NBEA: variants seen among roughly 807,000 people sequenced by gnomAD.
NBEA encodes neurobeachin.
Under a neutral mutation model 343.4 loss-of-function variants are expected in NBEA, and 44 were observed. The observed-to-expected ratio is 0.13, with a 90% confidence interval of 0.10 to 0.16. The LOEUF is 0.16. Among genes scored for constraint, NBEA ranks in the 10% least tolerant of loss-of-function variants. The pLI, the probability that NBEA is intolerant of heterozygous loss-of-function variation, is 1.00. For missense variants in NBEA, 2,555 were observed against 3,631.3 expected (o/e 0.70, Z 7.62); for synonymous variants, 1,175 against 1,238.7 (o/e 0.95, Z 1.08).
chr13:35,580,778 A>G (rs563473131), intron 45 of NBEA, among the ~76,000 whole-genome samples: 2 of 152,346 alleles, frequency 1.3e-5, no homozygotes, highest in Admixed American at 1.3e-4. Flanking sequence ...AATTAGAAAT[A>G]CATTTTAAGA....
At chr13:35,613,450 T>C (rs1338785423) in intron 48 of NBEA, among the ~76,000 whole-genome samples, 2 of 152,138 alleles carry the variant, frequency 1.3e-5, no homozygotes, top group African/African-American at 4.8e-5. Context: ...CATTCATTCG[T>C]TGGTAGACAC....
chr13:35,409,622 A>G (rs894685675), intron 38 of NBEA, among the ~76,000 whole-genome samples: 1 of 152,188 alleles, frequency 6.6e-6, no homozygotes, highest in Non-Finnish European at 1.5e-5. Context: ...ATAATAAGTT[A>G]TCATACTTTA....
intron 33 of NBEA, among the ~76,000 whole-genome samples, chr13:35,231,020 T>C (rs1410442551): frequency 2.0e-5 from 3 of 152,098 alleles, no homozygotes; most frequent in Non-Finnish European, 2.9e-5. Context: ...GGGGAGACTA[T>C]TGAAATCTCT....
chr13:35,645,603 G>A (rs1321280137), intron 49 of NBEA, among the ~76,000 whole-genome samples: 2 of 151,736 alleles, frequency 1.3e-5, no homozygotes, highest in African/African-American at 4.8e-5. Context: ...TTCTTTTTTG[G>A]GTGAGTTCTC....
At chr13:35,142,167 T>G (rs1445835145) in intron 17 of NBEA, 102 bp from the exon 18 acceptor site, 4 of 581,812 alleles carry the variant, frequency 6.9e-6, no homozygotes, top group Non-Finnish European at 1.2e-5. Flanking sequence ...TTACTTGTAT[T>G]ATTCTGTATC....
chr13:35,482,336 T>C (rs1206956753), intron 41 of NBEA, among the ~76,000 whole-genome samples: 1 of 151,530 alleles, frequency 6.6e-6, no homozygotes, highest in Non-Finnish European at 1.5e-5. Context: ...CATATAAGTA[T>C]AGAGATAACT....
intron 8 of NBEA, among the ~76,000 whole-genome samples, chr13:35,062,495 G>A (rs1017844536): frequency 2.0e-5 from 3 of 151,672 alleles, no homozygotes; most frequent in Non-Finnish European, 3.0e-5. Context: ...AAGAAACTCC[G>A]AAAACTCCAA....
At chr13:35,605,591 C>T (rs1593347496) in intron 47 of NBEA, among the ~76,000 whole-genome samples, 2 of 152,134 alleles carry the variant, frequency 1.3e-5, no homozygotes, top group African/African-American at 4.8e-5. Flanking sequence ...ATAAAAACTA[C>T]AGCAGTTTGT....
chr13:35,238,009 T>C (rs2075314680), intron 34 of NBEA, among the ~76,000 whole-genome samples: 1 of 152,224 alleles, frequency 6.6e-6, no homozygotes, highest in Non-Finnish European at 1.5e-5. Context: ...ATGTGTGTTT[T>C]CTCTTAGCAA....
intron 41 of NBEA, among the ~76,000 whole-genome samples, chr13:35,528,802 A>G (rs552628824): frequency 1.3e-5 from 2 of 152,314 alleles, no homozygotes; most frequent in African/African-American, 2.4e-5. Flanking sequence ...AAACTAAGTC[A>G]TATCTTCTTA....
At chr13:35,476,817 A>T in intron 41 of NBEA, 1 of 1,016,882 alleles carries the variant, frequency 9.8e-7, no homozygotes. Context: ...CCACTCATGG[A>T]TATAGGCACA....
chr13:35,123,442 T>G, intron 16 of NBEA, 40 bp from the exon 17 acceptor site: 1 of 1,193,766 alleles, frequency 8.4e-7, no homozygotes, highest in Non-Finnish European at 1.1e-6. Context: ...TTGTTTTTAA[T>G]ATTAGTAAGT....
chr13:35,600,039 C>T lies in NBEA; in HGVS notation c.7297-6387C>T, dbSNP rs200029550. 5.3e-5 allele frequency among the ~76,000 whole-genome samples: 8 copies of T among 152,118 alleles called. No individual in the cohort carries two copies. In the East Asian group the frequency reaches 5.8e-4, roughly 11 times the overall value. ...GCTCAAAGCTTGAGAATGGTCACCC[C>T]ATAACATAGGTTCAAGTAGCCCTGA... On this transcript the variant is annotated intron_variant, in intron 47 of 58. Coordinates refer to ENST00000379939, the MANE Select transcript of NBEA (RefSeq NM_001385012.1).
chr13:35,568,207 C>A (rs1165180546), intron 45 of NBEA, among the ~76,000 whole-genome samples: 1 of 152,020 alleles, frequency 6.6e-6, no homozygotes, highest in East Asian at 1.9e-4. Flanking sequence ...TGTTCTTATG[C>A]GTCATTCAGT....
At chr13:35,093,814 A>G (rs904903442) in intron 10 of NBEA, among the ~76,000 whole-genome samples, 2 of 151,910 alleles carry the variant, frequency 1.3e-5, no homozygotes, top group African/African-American at 4.8e-5. Context: ...CATTTAGTGC[A>G]CTGTAAGGGG....
rs776234490 is a variant in NBEA at position 35,475,968 on chromosome 13, G to T, written c.6585+3432G>T. On this transcript the variant is annotated intron_variant, in intron 41 of 58. Transcript: ENST00000379939. ...GGCCCTCGTAGCGATTGTCCATCTC[G>T]TTGAGAGAGCTGATGAACCGCGGCT... The T allele has an allele frequency of 8.1e-6, 13 of 1,614,060 alleles. No homozygotes were observed. The Admixed American group carries it at 2.0e-4, about 25-fold the overall frequency.
At chr13:35,202,795 A>G (rs888442717) in intron 31 of NBEA, among the ~76,000 whole-genome samples, 9 of 152,170 alleles carry the variant, frequency 5.9e-5, no homozygotes, top group African/African-American at 1.4e-4. Context: ...ATGATTAAAA[A>G]GAGGTATAAA....
chr13:35,477,122 G>A (rs1367075603), intron 41 of NBEA: 2 of 166,904 alleles, frequency 1.2e-5, no homozygotes, highest in African/African-American at 2.4e-5. Flanking sequence ...AATCCTTGGG[G>A]TCTTCTTAAA....
intron 36 of NBEA, among the ~76,000 whole-genome samples, chr13:35,317,765 T>G (rs2037844135): frequency 6.6e-6 from 1 of 152,208 alleles, no homozygotes; most frequent in Admixed American, 6.5e-5. Context: ...TTTGTTTCTG[T>G]TCTCTCTTAT....
Sources: allele counts gnomAD v4.1 joint callset (sites outside exome capture counted in the v4.1 genomes callset), GRCh38; gene constraint gnomAD v4.1.1; transcripts MANE v1.5; gene names NCBI Gene and HGNC (gene_info 2026-07-23, HGNC 2026-07-21).